Variants in DIAPH2 observed in about 807,000 individuals in gnomAD.
The protein encoded by DIAPH2 is diaphanous related formin 2, also known as protein diaphanous homolog 2.
Under a neutral mutation model 92.7 loss-of-function variants are expected in DIAPH2, and 35 were observed. That is an observed-to-expected ratio of 0.38 (90% CI 0.29 to 0.50). The LOEUF (loss-of-function observed/expected upper bound fraction) is 0.50, where lower values mean the gene tolerates loss of function less well. DIAPH2 is among the 20% of genes least tolerant of loss of function. The pLI is 0.94. For missense variants in DIAPH2, 701 were observed against 819.5 expected (o/e 0.86, Z 1.77); for synonymous variants, 301 against 280.4 (o/e 1.07, Z -0.73).
intron 4 of DIAPH2, among the ~76,000 whole-genome samples, chrX:96,797,792 T>C (rs1024370298): frequency 8.9e-6 from 1 of 112,878 alleles, no homozygotes; most frequent in Non-Finnish European, 1.9e-5. Context: ...TCACCAATCA[T>C]TTTAAACTCT....
chrX:97,178,987 G>C (rs1413797906), intron 22 of DIAPH2, among the ~76,000 whole-genome samples: 1 of 111,277 alleles, frequency 9.0e-6, no homozygotes, highest in East Asian at 2.8e-4. Flanking sequence ...CTGGTGCCTT[G>C]ATCTTTGACA....
chrX:97,261,072 G>C (rs1264801869), intron 23 of DIAPH2, among the ~76,000 whole-genome samples: 1 of 112,478 alleles, frequency 8.9e-6, no homozygotes. Context: ...AATACCAAAA[G>C]ATCTAGTTTT....
chrX:96,921,943 C>T (rs995290667), intron 9 of DIAPH2, among the ~76,000 whole-genome samples: 3 of 111,080 alleles, frequency 2.7e-5, no homozygotes, highest in African/African-American at 3.3e-5. Context: ...AGTGATTCTT[C>T]AGATTTATAC....
intron 23 of DIAPH2, among the ~76,000 whole-genome samples, chrX:97,285,619 G>A (rs941740623): frequency 2.8e-5 from 3 of 108,720 alleles, no homozygotes; most frequent in East Asian, 5.8e-4. Flanking sequence ...TTTTTGAAAC[G>A]GAGTCTCACT....
At chrX:96,834,968 C>T (rs951950660) in intron 4 of DIAPH2, among the ~76,000 whole-genome samples, 11 of 111,873 alleles carry the variant, frequency 9.8e-5, no homozygotes, top group African/African-American at 3.2e-4. Context: ...CAAAAACAAG[C>T]CTACTAGTTG....
intron 5 of DIAPH2, among the ~76,000 whole-genome samples, chrX:96,906,801 C>T (rs376933223): frequency 8.9e-5 from 10 of 111,746 alleles, no homozygotes; most frequent in African/African-American, 2.9e-4. Flanking sequence ...TTTTGAGCAG[C>T]GTAACAGATA....
intron 16 of DIAPH2, among the ~76,000 whole-genome samples, chrX:96,959,005 A>G (rs1413759570): frequency 1.8e-5 from 2 of 111,359 alleles, no homozygotes; most frequent in African/African-American, 3.3e-5. Context: ...GCTTGATTTC[A>G]TATCTTGATT....
chrX:96,690,135 C>CA (rs1251742527), intron 1 of DIAPH2, among the ~76,000 whole-genome samples: 1 of 110,805 alleles, frequency 9.0e-6, no homozygotes, highest in African/African-American at 3.3e-5. Flanking sequence ...CTTGTGATGT[C>CA]AGAGCCTAAA....
At chrX:96,919,925 T>C (rs2065531011) in intron 9 of DIAPH2, among the ~76,000 whole-genome samples, 2 of 109,492 alleles carry the variant, frequency 1.8e-5, no homozygotes, top group South Asian at 7.7e-4. Context: ...ACTCTGTTGC[T>C]CAGGCTGGAG....
intron 26 of DIAPH2, among the ~76,000 whole-genome samples, chrX:97,434,583 T>C (rs1043080044): frequency 9.2e-6 from 1 of 108,581 alleles, no homozygotes; most frequent in East Asian, 2.9e-4. Context: ...TAATTTTTTT[T>C]TAATTTTTAG....
chrX:96,796,081 C>T (rs768065644), intron 4 of DIAPH2, among the ~76,000 whole-genome samples: 1 of 111,687 alleles, frequency 9.0e-6, no homozygotes, highest in South Asian at 3.8e-4. Context: ...GGAACAAAGC[C>T]CCCATGGATA....
chrX:96,881,632 T>C lies in DIAPH2; in HGVS notation c.501T>C (p.Val167=), dbSNP rs1243159553. Residue 167 remains valine (V), a synonymous_variant, in exon 5 of 27, where the codon GTT becomes GTC. Transcript: ENST00000324765. The part of the protein sequence containing the change: ...HECTLSSQEY[V]HELRSGISDE... ...GCACCCTGTCTTCACAAGAATATGT[T>C]CATGAATTACGATCGGGTATATCAG... is the stretch of plus-strand genomic sequence containing the variant. 1.7e-6 allele frequency: 2 copies of C among 1,206,740 alleles called. No individual in the cohort carries two copies. The highest frequency in any genetic ancestry group is 1.7e-5 in the African/African-American group (1 of 57,149).
At chrX:97,370,861 T>G (rs1302935751) in intron 24 of DIAPH2, among the ~76,000 whole-genome samples, 3 of 112,278 alleles carry the variant, frequency 2.7e-5, no homozygotes, top group Non-Finnish European at 5.6e-5. Flanking sequence ...GGAGTTTCAA[T>G]TACAGTGTAA....
chrX:96,918,746 G>A, intron 9 of DIAPH2, 129 bp downstream of exon 9: 1 of 440,819 alleles, frequency 2.3e-6, no homozygotes, highest in Non-Finnish European at 3.9e-6. Flanking sequence ...TCTGTTGCTA[G>A]TTTGTGAGAA....
At chrX:97,433,053 C>T (rs1041391726) in intron 26 of DIAPH2, among the ~76,000 whole-genome samples, 2 of 111,509 alleles carry the variant, frequency 1.8e-5, no homozygotes, top group Admixed American at 1.9e-4. Flanking sequence ...CACTCTGAGC[C>T]TGTGCCCCCT....
In DIAPH2 at chrX:97,599,253, A is replaced by G; in HGVS notation, c.3242A>G (p.Asp1081Gly). ...GGTCCTTTTTCTGTTTGTCTTACAG[A>G]TAACAGACGAGTACCTTTGGAAAGG... is the stretch of plus-strand genomic sequence containing the variant. ...DRRKRIPRNP[D>G]NRRVPLERSR... is the part of the protein sequence containing the mutation. Residue 1081 changes from aspartate to glycine, a missense_variant and splice_region_variant, in exon 27 of 27, where the codon GAT becomes GGT. Asp to Gly is a moderately conservative substitution (Grantham distance 94). Around this residue, in one of 3 missense-constraint regions of DIAPH2, gnomAD observed 536 missense variants for 599.3 expected, o/e 0.89. Coordinates refer to ENST00000324765, the MANE Select transcript of DIAPH2 (RefSeq NM_006729.5). The G allele has an allele frequency of 8.4e-7, 1 of 1,186,556 alleles. No individual in the cohort carries two copies. Among genetic ancestry groups the G allele is most frequent in the Non-Finnish European group, 1.1e-6 (1 of 878,070 alleles).
At chrX:96,789,532 A>G (rs1196135933) in intron 4 of DIAPH2, among the ~76,000 whole-genome samples, 1 of 111,958 alleles carries the variant, frequency 8.9e-6, no homozygotes, top group East Asian at 2.8e-4. Context: ...TCTGCATAGC[A>G]TGGCTTTGTA....
At chrX:96,765,191 ATGTTTTTT>A (rs767865182) in intron 4 of DIAPH2, among the ~76,000 whole-genome samples, 1 of 65,106 alleles carries the variant, frequency 1.5e-5, no homozygotes, top group Admixed American at 1.7e-4. Flanking sequence ...CCATATTCAC[ATGTTTTTT>A]TTTTTTTTTT....
chrX:97,439,371 G>A (rs746373738), intron 26 of DIAPH2, among the ~76,000 whole-genome samples: 2 of 110,680 alleles, frequency 1.8e-5, no homozygotes, highest in Admixed American at 9.6e-5. Flanking sequence ...TCAGGAGTTC[G>A]AGACCAGCCT....
Sources: gnomAD v4.1 joint callset for allele counts (sites outside exome capture counted in the v4.1 genomes callset) on GRCh38, gnomAD v4.1.1 for gene constraint, gnomAD v4.1.1 regional missense constraint, MANE v1.5 for transcripts, NCBI Gene and HGNC (gene_info 2026-07-23, HGNC 2026-07-21) for gene names.